MAML2: variants seen among roughly 807,000 people sequenced by gnomAD.
MAML2 encodes the protein mastermind-like protein 2.
MAML2 carries 22 observed loss-of-function variants against 96.1 expected under a neutral mutation model. That is an observed-to-expected ratio of 0.23 (90% CI 0.16 to 0.33). MAML2 has a LOEUF of 0.33. MAML2 is among the 10% of genes least tolerant of loss of function. The pLI is 1.00. For missense variants in MAML2, 1,367 were observed against 1,392.4 expected (o/e 0.98, Z 0.29); for synonymous variants, 561 against 521.3 (o/e 1.08, Z -1.04).
chr11:96,030,325 T>A (rs1439081255), intron 2 of MAML2, among the ~76,000 whole-genome samples: 1 of 152,038 alleles, frequency 6.6e-6, no homozygotes, highest in East Asian at 1.9e-4. Flanking sequence ...GGAATTACTC[T>A]ACCAGGTATG....
chr11:96,110,948 T>C (rs1860109720), intron 1 of MAML2, among the ~76,000 whole-genome samples: 4 of 152,250 alleles, frequency 2.6e-5, no homozygotes, highest in Admixed American at 6.5e-5. Context: ...GACAGTTTCA[T>C]GCTCCTGAAT....
In MAML2 at chr11:96,261,985, C is replaced by T. The variant is rs189733156; in HGVS notation, c.513+79398G>A. ...ATTCTCTGACTCAAAGAGTTATTTC[C>T]CTCCTGGCTCATTATTCTCCATATT... is the stretch of plus-strand genomic sequence containing the variant. On this transcript the variant is annotated intron_variant, in intron 1 of 4. Transcript: ENST00000524717. Among the ~76,000 whole-genome samples, 4 of 152,238 alleles carry T rather than the reference C, an allele frequency of 2.6e-5. No homozygotes were observed. The East Asian group carries it at 7.7e-4, about 29-fold the overall frequency.
At chr11:95,999,416 G>T (rs1290501147) in intron 2 of MAML2, among the ~76,000 whole-genome samples, 1 of 152,062 alleles carries the variant, frequency 6.6e-6, no homozygotes. Flanking sequence ...GTAGAATGGG[G>T]TACAAAATAT....
chr11:95,991,934 G>C (rs969008624), intron 2 of MAML2, among the ~76,000 whole-genome samples: 3 of 152,106 alleles, frequency 2.0e-5, no homozygotes, highest in Non-Finnish European at 4.4e-5. Flanking sequence ...ATGACATTAG[G>C]GCACTGGAAA....
intron 1 of MAML2, among the ~76,000 whole-genome samples, chr11:96,170,304 T>C (rs3824875): frequency 0.093 from 14,102 of 152,262 alleles, 723 homozygotes; most frequent in African/African-American, 0.1. Context: ...CAAATTGCAT[T>C]AATAAGTAAT....
intron 2 of MAML2, among the ~76,000 whole-genome samples, chr11:96,005,792 C>T (rs1171843112): frequency 6.6e-6 from 1 of 152,100 alleles, no homozygotes; most frequent in East Asian, 1.9e-4. Flanking sequence ...TCATATTTTT[C>T]CCTAATACTA....
At chr11:95,989,474 T>C (rs1221947077) in intron 3 of MAML2, among the ~76,000 whole-genome samples, 1 of 152,234 alleles carries the variant, frequency 6.6e-6, no homozygotes, top group Admixed American at 6.5e-5. Context: ...ATGTATATGC[T>C]ACCACTTCCT....
chr11:96,227,927 C>A (rs1429459260), intron 1 of MAML2, among the ~76,000 whole-genome samples: 1 of 152,152 alleles, frequency 6.6e-6, no homozygotes, highest in Non-Finnish European at 1.5e-5. Flanking sequence ...CAAAGTGAGA[C>A]CCCTGTCTCT....
intron 2 of MAML2, among the ~76,000 whole-genome samples, chr11:96,002,079 C>T (rs1858086723): frequency 6.6e-6 from 1 of 152,124 alleles, no homozygotes; most frequent in Admixed American, 6.6e-5. Flanking sequence ...TGGCCCTCTC[C>T]TGTGCTTTTG....
chr11:96,085,303 A>C (rs951027504), intron 2 of MAML2, among the ~76,000 whole-genome samples: 6 of 152,200 alleles, frequency 3.9e-5, no homozygotes, highest in Admixed American at 2.6e-4. Context: ...TTTGAAACCC[A>C]GAACTCCTTA....
At chr11:96,195,241 C>G (rs1263621822) in intron 1 of MAML2, among the ~76,000 whole-genome samples, 1 of 152,068 alleles carries the variant, frequency 6.6e-6, no homozygotes, top group Non-Finnish European at 1.5e-5. Flanking sequence ...TCTGCAAAGC[C>G]CTATGAATCT....
chr11:96,159,501 T>G (rs906364324), intron 1 of MAML2, among the ~76,000 whole-genome samples: 1 of 39,442 alleles, frequency 2.5e-5, no homozygotes, highest in Non-Finnish European at 7.3e-5. Context: ...CCGAGATCAC[T>G]GCGAGCTCCG....
chr11:96,054,044 C>A lies in MAML2; in HGVS notation c.2139+37848G>T, dbSNP rs542153978. 2.1e-3 allele frequency among the ~76,000 whole-genome samples: 315 copies of A among 152,300 alleles called. 2 individuals carry two copies. Among genetic ancestry groups the A allele is most frequent in the African/African-American group, 7.2e-3 (298 of 41,574 alleles). On this transcript the variant is annotated intron_variant, in intron 2 of 4. Coordinates refer to ENST00000524717, the MANE Select transcript of MAML2 (RefSeq NM_032427.4). ...ATTGGGAGAAAAAAAAATGAACAAT[C>A]TTACTTACATGTATTACTATGCATG...
At chr11:96,313,867 C>T (rs775411740) in intron 1 of MAML2, among the ~76,000 whole-genome samples, 9 of 152,102 alleles carry the variant, frequency 5.9e-5, no homozygotes, top group Non-Finnish European at 1.2e-4. Flanking sequence ...TTGGATTTTT[C>T]GACATTTGAA....
rs1253055979 is a variant in MAML2 at position 95,978,273 on chromosome 11, G to T, written c.*675C>A. 1 of 204,904 alleles carries T rather than the reference G, an allele frequency of 4.9e-6. No homozygotes were observed. The highest frequency in any genetic ancestry group is 2.3e-5 in the African/African-American group (1 of 43,760). The allele number at this position is 204,904 out of a possible 1,614,324, so 12.7% of individuals were successfully genotyped here. A position where few individuals can be genotyped will look rare whatever the true frequency, so the allele number is the denominator to read the frequency against. On this transcript the variant is annotated 3_prime_UTR_variant, in exon 5 of 5. Coordinates refer to ENST00000524717, the MANE Select transcript of MAML2 (RefSeq NM_032427.4). Reference sequence around the variant, plus strand: ...TCGTTGTGGAAGCCAAAATCAAATTGCACAGCTCTATATTTTTGTTTAATC... The same window carrying T: ...TCGTTGTGGAAGCCAAAATCAAATTTCACAGCTCTATATTTTTGTTTAATC...
intron 2 of MAML2, among the ~76,000 whole-genome samples, chr11:96,006,828 G>A (rs1320754165): frequency 6.6e-6 from 1 of 150,632 alleles, no homozygotes; most frequent in Non-Finnish European, 1.5e-5. Context: ...CCAAAGCGCT[G>A]AGATTACAGG....
At chr11:96,019,675 T>C (rs548857772) in intron 2 of MAML2, among the ~76,000 whole-genome samples, 183 of 2,230 alleles carry the variant, frequency 0.082, no homozygotes, top group Admixed American at 0.14. Context: ...CAAGGGCTGA[T>C]AATAATAATT....
intron 1 of MAML2, among the ~76,000 whole-genome samples, chr11:96,260,241 C>T (rs1862729194): frequency 6.6e-6 from 1 of 151,700 alleles, no homozygotes; most frequent in Admixed American, 6.6e-5. Context: ...GGTGGTAGAG[C>T]AGAAGAAAAA....
Position 96,093,395 on chromosome 11 carries a change from G to A in MAML2, c.636C>T (p.Leu212=). The part of the protein sequence containing the change: ...DIKRIRVGEN[L]SAGQGGLQIN... ...TTTGGAGGCCACCTTGTCCTGCAGA[G>A]AGATTCTCCCCAACACGAATTCTTT... Residue 212 remains leucine (L), a synonymous_variant, in exon 2 of 5, where the codon CTC becomes CTT. Coordinates refer to ENST00000524717, the MANE Select transcript of MAML2 (RefSeq NM_032427.4). 6.2e-7 allele frequency: 1 copy of A among 1,614,008 alleles called. No individual in the cohort carries two copies.
Sources: allele counts gnomAD v4.1 joint callset (sites outside exome capture counted in the v4.1 genomes callset), GRCh38; gene constraint gnomAD v4.1.1; transcripts MANE v1.5; gene names NCBI Gene and HGNC (gene_info 2026-07-23, HGNC 2026-07-21).